AGTPBP1: variants seen among roughly 807,000 people sequenced by gnomAD.
The protein encoded by AGTPBP1 is ATP/GTP binding carboxypeptidase 1, also known as cytosolic carboxypeptidase 1.
AGTPBP1 carries 70 observed loss-of-function variants against 143.9 expected under a neutral mutation model. The observed-to-expected ratio is 0.49, with a 90% CI of 0.40 to 0.59. The LOEUF is 0.59. AGTPBP1 is among the 20% of genes least tolerant of loss of function. The pLI is 0.00. For missense variants in AGTPBP1, 1,229 were observed against 1,464.5 expected (o/e 0.84, Z 2.62); for synonymous variants, 463 against 500.2 (o/e 0.93, Z 0.99).
At chr9:85,798,864 T>C in the AGTPBP1 span, among the ~76,000 whole-genome samples, 2 of 152,174 alleles carry the variant, frequency 1.3e-5, no homozygotes, top group East Asian at 1.9e-4. Context: ...ATTGTTATCA[T>C]TATACTTTAA....
At chr9:85,688,609 C>T (rs1447219554) in intron 3 of AGTPBP1, among the ~76,000 whole-genome samples, 1 of 152,116 alleles carries the variant, frequency 6.6e-6, no homozygotes, top group Non-Finnish European at 1.5e-5. Context: ...GAAAGATTAG[C>T]AACAACCATG....
At chr9:85,738,326 A>G (rs1439011818) in intron 1 of AGTPBP1, among the ~76,000 whole-genome samples, 2 of 52,488 alleles carry the variant, frequency 3.8e-5, no homozygotes, top group African/African-American at 9.2e-5. Context: ...TACTGGAGGG[A>G]AAAAAAAAGT....
chr9:85,707,983 A>T (rs1008236315), intron 2 of AGTPBP1, among the ~76,000 whole-genome samples: 6 of 152,196 alleles, frequency 3.9e-5, no homozygotes, highest in Admixed American at 6.5e-5. Context: ...TGATGGGTGT[A>T]ACAAACCACC....
intron 2 of AGTPBP1, among the ~76,000 whole-genome samples, chr9:85,697,889 T>C (rs2134329672): frequency 6.6e-6 from 1 of 152,316 alleles, no homozygotes; most frequent in African/African-American, 2.4e-5. Flanking sequence ...GCTTCTCTTG[T>C]ACATTCAGTG....
chr9:85,626,556 C>T (rs1831306230), intron 14 of AGTPBP1, among the ~76,000 whole-genome samples: 1 of 152,126 alleles, frequency 6.6e-6, no homozygotes, highest in Admixed American at 6.5e-5. Flanking sequence ...AATTACCATC[C>T]TCAATGTATT....
chr9:85,760,992 A>C, the AGTPBP1 span, among the ~76,000 whole-genome samples: 1 of 152,198 alleles, frequency 6.6e-6, no homozygotes, highest in African/African-American at 2.4e-5. Context: ...ACAGAGAGCC[A>C]AATCATGAGT....
chr9:85,653,606 C>A (rs1833308124), intron 11 of AGTPBP1, among the ~76,000 whole-genome samples: 1 of 152,172 alleles, frequency 6.6e-6, no homozygotes, highest in African/African-American at 2.4e-5. Flanking sequence ...CACCATTTAA[C>A]CCCCATAATC....
intron 2 of AGTPBP1, among the ~76,000 whole-genome samples, chr9:85,706,828 A>G (rs1837041279): frequency 6.6e-6 from 1 of 152,180 alleles, no homozygotes; most frequent in Non-Finnish European, 1.5e-5. Flanking sequence ...GTGAGCCGAC[A>G]TCGCGCCACT....
the AGTPBP1 span, among the ~76,000 whole-genome samples, chr9:85,768,686 A>C: frequency 6.6e-6 from 1 of 152,106 alleles, no homozygotes; most frequent in South Asian, 2.1e-4. Context: ...ATCAAATTCC[A>C]TATGGTTAGT....
At chr9:85,644,346 A>G (rs950747002) in intron 12 of AGTPBP1, among the ~76,000 whole-genome samples, 1 of 151,962 alleles carries the variant, frequency 6.6e-6, no homozygotes, top group Non-Finnish European at 1.5e-5. Context: ...AATAATTTAC[A>G]AAGATATTCT....
intron 1 of AGTPBP1, among the ~76,000 whole-genome samples, chr9:85,722,296 T>G (rs980036119): frequency 6.6e-6 from 1 of 152,192 alleles, no homozygotes; most frequent in African/African-American, 2.4e-5. Context: ...CCCCATCACT[T>G]TCAGGAACAC....
At chr9:85,710,494 T>C (rs1837295261) in intron 2 of AGTPBP1, among the ~76,000 whole-genome samples, 2 of 152,240 alleles carry the variant, frequency 1.3e-5, no homozygotes, top group African/African-American at 4.8e-5. Context: ...GACATTCTTG[T>C]AAGTTCTCTA....
chr9:85,771,948 C>T, the AGTPBP1 span, among the ~76,000 whole-genome samples: 7 of 151,048 alleles, frequency 4.6e-5, no homozygotes, highest in South Asian at 2.1e-4. Flanking sequence ...CGTGAGCCAC[C>T]GCGCCCAGCC....
chr9:85,701,057 A>G (rs1836614033), intron 2 of AGTPBP1, among the ~76,000 whole-genome samples: 1 of 151,732 alleles, frequency 6.6e-6, no homozygotes, highest in South Asian at 2.1e-4. Context: ...AGCTGGGATT[A>G]CAGGCATGTG....
At chr9:85,750,327 A>C in the AGTPBP1 span, among the ~76,000 whole-genome samples, 3 of 152,218 alleles carry the variant, frequency 2.0e-5, no homozygotes. Context: ...AAGCATCAAG[A>C]ACTATGGATG....
At chr9:85,740,907 T>C (rs115568184) in intron 1 of AGTPBP1, among the ~76,000 whole-genome samples, 2,231 of 152,262 alleles carry the variant, frequency 0.015, 25 homozygotes, top group Middle Eastern at 0.037. Context: ...ATTATCAACA[T>C]TCACATCGAT....
At chr9:85,772,233 C>T in the AGTPBP1 span, among the ~76,000 whole-genome samples, 1 of 152,124 alleles carries the variant, frequency 6.6e-6, no homozygotes, top group Admixed American at 6.6e-5. Context: ...CTCGGCCTCC[C>T]AAAGTGCTGG....
chr9:85,685,499 G>A (rs1453766852), intron 3 of AGTPBP1, among the ~76,000 whole-genome samples: 3 of 151,876 alleles, frequency 2.0e-5, no homozygotes, highest in African/African-American at 4.8e-5. Flanking sequence ...GCTAAAAGAC[G>A]ATGACGATGA....
At chr9:85,680,084 T>C (rs896982910) in intron 4 of AGTPBP1, among the ~76,000 whole-genome samples, 5 of 152,230 alleles carry the variant, frequency 3.3e-5, no homozygotes, top group African/African-American at 7.2e-5. Context: ...TAAATTCCCA[T>C]ATGCATTTTA....
Sources: allele counts gnomAD v4.1 joint callset (sites outside exome capture counted in the v4.1 genomes callset), GRCh38; gene constraint gnomAD v4.1.1; transcripts MANE v1.5; gene names NCBI Gene and HGNC (gene_info 2026-07-23, HGNC 2026-07-21).